BSG: variants seen among roughly 807,000 people sequenced by gnomAD.
BSG encodes the protein basigin (Ok blood group).
BSG carries 37 observed loss-of-function variants against 43.1 expected under a neutral mutation model. The observed-to-expected ratio is 0.86, with a 90% CI of 0.66 to 1.13. The LOEUF is 1.13. Among genes scored for constraint, BSG ranks in the 50% most tolerant of loss-of-function variants. BSG has a pLI of 0.00. For synonymous variants in BSG, 309 were observed against 238.7 expected, an observed-to-expected ratio of 1.29 and a Z score of -2.72; for missense variants, 599 against 554.2, an observed-to-expected ratio of 1.08 and a Z score of -0.81.
chr19:573,184 G>T (rs1374119449), intron 1 of BSG, among the ~76,000 whole-genome samples: 1 of 152,184 alleles, frequency 6.6e-6, no homozygotes, highest in Non-Finnish European at 1.5e-5. Flanking sequence ...CTTTGGCCTG[G>T]AGCCAGGGGT....
rs943401272 is a variant in BSG, at chr19:579,320, C to A, written c.416-180C>A. 1.5e-5 allele frequency: 13 copies of A among 848,924 alleles called. No homozygotes were observed. The Admixed American group carries it at 2.4e-4, about 16-fold the overall frequency. 52.6% of individuals were successfully genotyped at this position (848,924 alleles called of 1,614,324 possible). The stretch of plus-strand genomic sequence containing the variant: ...CAGCAGGCGCTGGGCTCTTCCCTTC[C>A]CGGAGGCGTGGCCAGAAGTTCCCCT... On this transcript the variant is annotated intron_variant, in intron 2 of 8. Transcript: ENST00000333511.
chr19:578,886 A>G (rs1982019103), intron 2 of BSG: 1 of 387,850 alleles, frequency 2.6e-6, no homozygotes, highest in South Asian at 1.9e-5. Flanking sequence ...ATGAGCCAAC[A>G]TGCCCAGCTA....
chr19:582,599 C>G lies in BSG; in HGVS notation c.*5+17C>G. On this transcript the variant is annotated intron_variant, in intron 8 of 8. Coordinates refer to ENST00000333511, the MANE Select transcript of BSG (RefSeq NM_001728.4). ...CTGAGGCAGGTGCGGTGGGCGGGAG[C>G]TCCTCCTGAGCCAGGTGTGGTGGGT... 5 of 1,418,012 alleles carry G rather than the reference C, an allele frequency of 3.5e-6. No homozygotes were observed. The highest frequency in any genetic ancestry group is 4.7e-6 in the Non-Finnish European group (5 of 1,053,222). The allele number at this position is 1,418,012 out of a possible 1,614,324, so 87.8% of individuals were successfully genotyped here.
At chr19:572,398 C>A, upstream of BSG, 1 of 985,310 alleles carries the variant, frequency 1.0e-6, no homozygotes. Context: ...CTAGCAACGC[C>A]GGGTCACGTG....
intron 2 of BSG, chr19:579,273 TGCCTTCCC>T: frequency 3.4e-6 from 2 of 585,452 alleles, no homozygotes; most frequent in South Asian, 4.1e-5. Context: ...CCGAAGGGGG[TGCCTTCCC>T]GAAGGGGCCT....
rs375762963 is a variant in BSG, at chr19:581,338, C to T, written c.816C>T (p.Ser272=). 1 of 1,612,602 alleles carries T rather than the reference C, an allele frequency of 6.2e-7. No individual in the cohort carries two copies. Residue 272 remains serine, a synonymous_variant, in exon 6 of 9, where the codon AGC becomes AGT. Transcript: ENST00000333511. ...EDKALMNGSE[S]RFFVSSSQGR... is the part of the protein sequence containing the mutation. The stretch of plus-strand genomic sequence containing the variant: ...AGGCCCTCATGAACGGCTCCGAGAG[C>T]AGGTTCTTCGTGAGTTCCTCGCAGG...
chr19:571,376 A>G (rs926619120), upstream of BSG: 26 of 613,386 alleles, frequency 4.2e-5, no homozygotes, highest in Admixed American at 7.4e-4. Context: ...TTAACTTCCA[A>G]CACACACTTT....
chr19:572,624 G>A lies in BSG; in HGVS notation c.-11G>A, dbSNP rs764775228. The A allele has an allele frequency of 2.7e-5, 41 of 1,500,170 alleles. No individual in the cohort carries two copies. The highest frequency in any genetic ancestry group is 8.8e-5 in the Admixed American group (4 of 45,242). The allele number at this position is 1,500,170 out of a possible 1,614,324, so 92.9% of individuals were successfully genotyped here. On this transcript the variant is annotated 5_prime_UTR_variant, in exon 1 of 9. Transcript: ENST00000333511. ...GGTTGGAGGTTGTAGGACCGGCGAG[G>A]AATAGGAATCATGGCGGCTGCGCTG...
At chr19:582,364 G>A (rs1568355015) in intron 7 of BSG, 34 bp downstream of exon 7, 5 of 1,596,224 alleles carry the variant, frequency 3.1e-6, no homozygotes, top group Non-Finnish European at 4.3e-6. Flanking sequence ...GGGGTCCCAA[G>A]GAGCGGCCTG....
At chr19:572,888 G>T (rs1981395145) in intron 1 of BSG, among the ~76,000 whole-genome samples, 187 bp downstream of exon 1, 1 of 152,134 alleles carries the variant, frequency 6.6e-6, no homozygotes, top group Non-Finnish European at 1.5e-5. Context: ...TTTGAGGGGG[G>T]ACTAGAGGTT....
In BSG at chr19:572,610, G is replaced by T. The variant is rs188657384; in HGVS notation, c.-25G>T. On this transcript the variant is annotated 5_prime_UTR_variant, in exon 1 of 9. Transcript: ENST00000333511. The stretch of plus-strand genomic sequence containing the variant: ...GCGGCGGCGGCAGCGGTTGGAGGTT[G>T]TAGGACCGGCGAGGAATAGGAATCA... 1,465 of 1,486,566 alleles carry T rather than the reference G, an allele frequency of 9.9e-4. 5 individuals are homozygous for T. In the African/African-American group the frequency reaches 0.014, roughly 14 times the overall value. The allele number at this position is 1,486,566 out of a possible 1,614,324, so 92.1% of individuals were successfully genotyped here. A position where few individuals can be genotyped will look rare whatever the true frequency, so the allele number is the denominator to read the frequency against.
chr19:572,763 G>A (rs997707797), intron 1 of BSG, 62 bp downstream of exon 1: 30 of 1,350,122 alleles, frequency 2.2e-5, no homozygotes, highest in Middle Eastern at 2.5e-4. Context: ...AGGCCGCGGT[G>A]CCGACCCGAA....
intron 2 of BSG, chr19:579,252 AGGGTGCCTTCCCGAAGG>A (rs28992468): frequency 0.14 from 84,532 of 615,066 alleles, 6,900 homozygotes; most frequent in South Asian, 0.26. Flanking sequence ...CTGCCAGCGA[AGGGTGCCTTCCCGAAGG>A]GGGTGCCTTC....
At position 582,331 on chromosome 19, in the gene BSG, G is replaced by A; in HGVS notation, c.1094+1G>A. The A allele has an allele frequency of 6.3e-7, 1 of 1,597,710 alleles. No individual in the cohort carries two copies. Among genetic ancestry groups the A allele is most frequent in the Non-Finnish European group, 8.5e-7 (1 of 1,176,434 alleles). ...ATGACGACGCCGGCTCTGCACCCCT[G>A]TAAGTTCCAGCTGTGGGGGTCGGGG... On this transcript the variant is annotated splice_donor_variant, in intron 7 of 8. Transcript: ENST00000333511. LOFTEE classifies it high-confidence loss of function.
At position 576,962 on chromosome 19, in the gene BSG, T is replaced by TGTGTGTGTGTG. The variant is rs1568349198; in HGVS notation, c.68-812_68-811insGTGTGTGTGTG. 1.1e-3 allele frequency among the ~76,000 whole-genome samples: 169 copies of TGTGTGTGTGTG among 151,346 alleles called. 3 individuals are homozygous for TGTGTGTGTGTG. In the East Asian group the frequency reaches 0.016, roughly 14 times the overall value. Reference sequence around the variant, plus strand: ...TGTGTGTGTTTGCAGACGTGTGTCCTTGTGTGTGTGTGTGTGTTGTAGCGG... The same window carrying TGTGTGTGTGTG: ...TGTGTGTGTTTGCAGACGTGTGTCCTGTGTGTGTGTGTGTGTGTGTGTGTGTGTTGTAGCGG... On this transcript the variant is annotated intron_variant, in intron 1 of 8. Coordinates refer to ENST00000333511, the MANE Select transcript of BSG (RefSeq NM_001728.4).
At chr19:581,004 C>T (rs542324120) in intron 5 of BSG, among the ~76,000 whole-genome samples, 8 of 132,484 alleles carry the variant, frequency 6.0e-5, no homozygotes, top group African/African-American at 2.1e-4. Flanking sequence ...CGGACCCAGC[C>T]CTCCGGACTG....
Position 578,108 on chromosome 19 carries a change from G to A in BSG, c.402G>A (p.Val134=). ...AGTGGGTCCGCGCCCAGGCAGTCGT[G>A]CTAGTCCTGGAACGTGAGTGGCGGG... ...RVKWVRAQAV[V]LVLEPGTVFT... is the part of the protein sequence containing the mutation. Residue 134 remains valine, a synonymous_variant, in exon 2 of 9, where the codon GTG becomes GTA. Transcript: ENST00000333511. 1 of 1,579,726 alleles carries A rather than the reference G, an allele frequency of 6.3e-7. No homozygotes were observed. The highest frequency in any genetic ancestry group is 8.6e-7 in the Non-Finnish European group (1 of 1,159,476).
intron 7 of BSG, 45 bp downstream of exon 7, chr19:582,375 C>T (rs1298142503): frequency 6.3e-7 from 1 of 1,594,918 alleles, no homozygotes; most frequent in South Asian, 1.1e-5. Flanking sequence ...GAGCGGCCTG[C>T]TGCCCCAGGC....
intron 1 of BSG, among the ~76,000 whole-genome samples, chr19:576,176 C>G (rs1011991834): frequency 6.6e-6 from 1 of 152,230 alleles, no homozygotes; most frequent in Non-Finnish European, 1.5e-5. Context: ...CCTGGTCCTC[C>G]TCACTTTCCT....
Sources: gnomAD v4.1 joint callset for allele counts (sites outside exome capture counted in the v4.1 genomes callset) on GRCh38, gnomAD v4.1.1 for gene constraint, MANE v1.5 for transcripts, NCBI Gene and HGNC (gene_info 2026-07-23, HGNC 2026-07-21) for gene names.